The following DYSF variants were observed in gnomAD, a reference collection of about 807,000 sequenced individuals.
The protein encoded by DYSF is dystrophy-associated fer-1-like 1.
DYSF carries 212 observed loss-of-function variants against 274.9 expected under a neutral mutation model. The observed-to-expected ratio is 0.77, with a 90% CI of 0.69 to 0.86. The LOEUF (loss-of-function observed/expected upper bound fraction) is 0.86. Ranked by LOEUF, DYSF falls within the 40% of genes least tolerant of loss-of-function variation. The probability of loss-of-function intolerance (pLI) is 0.00; values close to 1 mark genes in which losing one functional copy is unlikely to be tolerated. For missense variants in DYSF, 2,666 were observed against 2,783.2 expected, an observed-to-expected ratio of 0.96 and a Z score of 0.95; for synonymous variants, 1,091 against 1,078.7, an observed-to-expected ratio of 1.01 and a Z score of -0.22.
chr2:71,662,805 G>C (rs1362767153), intron 45 of DYSF, among the ~76,000 whole-genome samples: 1 of 146,980 alleles, frequency 6.8e-6, no homozygotes, highest in African/African-American at 2.6e-5. Flanking sequence ...CTGTGTGTCT[G>C]TGTGTGGTGT....
chr2:71,571,711 GCACACACAGATCACACCCAGCA>G (rs1295072471), intron 29 of DYSF, among the ~76,000 whole-genome samples: 7 of 102,432 alleles, frequency 6.8e-5, no homozygotes, highest in South Asian at 3.3e-4. Context: ...ATCACAGTCA[GCACACACAGATCACACCCAGCA>G]CACACACAGA....
Position 71,660,720 on chromosome 2 carries a change from G to T in DYSF, c.5003+69G>T. On this transcript the variant is annotated intron_variant, in intron 45 of 55. Coordinates refer to ENST00000410020, the MANE Select transcript of DYSF (RefSeq NM_001130987.2). ...GGATAACCCACAGTCTAGTGGGGGA[G>T]ATGTGACTGGCACTGTGAAGTCCGT... 2.3e-6 allele frequency: 3 copies of T among 1,326,088 alleles called. 1 individual carries two copies. In the South Asian group the frequency reaches 3.6e-5, roughly 16 times the overall value. The allele number at this position is 1,326,088 out of a possible 1,614,324, so 82.1% of individuals were successfully genotyped here.
At chr2:71,607,325 G>A (rs1457733007) in intron 36 of DYSF, among the ~76,000 whole-genome samples, 3 of 152,188 alleles carry the variant, frequency 2.0e-5, no homozygotes, top group Non-Finnish European at 4.4e-5. Flanking sequence ...CAGGGGTTGC[G>A]TGTGTCCCAG....
rs144932117 is a variant in DYSF, at chr2:71,615,044, C to T, written c.4464+1634C>T. Reference sequence around the variant, plus strand: ...TGAGATTGTGCAGGGAAGTGCAGGGCCTGCCCAGCAGGATTTCCGTTCTGT... The same window carrying T: ...TGAGATTGTGCAGGGAAGTGCAGGGTCTGCCCAGCAGGATTTCCGTTCTGT... On this transcript the variant is annotated intron_variant, in intron 40 of 55. Coordinates refer to ENST00000410020, the MANE Select transcript of DYSF (RefSeq NM_001130987.2). This position sits in a 1 kb window ranked among gnomAD's most constrained non-coding sequence, Gnocchi z 4.9. Among the ~76,000 whole-genome samples the T allele has an allele frequency of 2.3e-3, 351 of 152,270 alleles. 1 individual carries two copies. The highest frequency in any genetic ancestry group is 6.8e-3 in the Middle Eastern group (2 of 294).
At chr2:71,598,420 G>A (rs1309971820) in intron 32 of DYSF, 144 bp from the exon 33 acceptor site, 4 of 1,001,686 alleles carry the variant, frequency 4.0e-6, no homozygotes, top group Non-Finnish European at 6.0e-6. Flanking sequence ...CCATAGGGAA[G>A]ATGCATCCCA....
At chr2:71,572,081 AC>A (rs1305896482) in intron 29 of DYSF, among the ~76,000 whole-genome samples, 2 of 144,634 alleles carry the variant, frequency 1.4e-5, no homozygotes, top group Admixed American at 1.4e-4. Context: ...CACACCCAGC[AC>A]ACCCACAGAT....
intron 3 of DYSF, among the ~76,000 whole-genome samples, chr2:71,493,925 G>A (rs2084129723): frequency 6.6e-6 from 1 of 151,202 alleles, no homozygotes; most frequent in Admixed American, 6.6e-5. Context: ...AAATAATGAG[G>A]ATTACATAAT....
rs182396977 is a variant in DYSF at position 71,510,107 on chromosome 2, T to G, written c.346-1700T>G. Among the ~76,000 whole-genome samples the G allele has an allele frequency of 7.0e-3, 1,073 of 152,346 alleles. 13 individuals are homozygous for G. The highest frequency in any genetic ancestry group is 0.025 in the African/African-American group (1,020 of 41,582). Reference sequence around the variant, plus strand: ...GTGTTTTTAAGAATCAGTCATTCATTGAGCATTTCCTTCCTTTCTGGTGCA... The same window carrying G: ...GTGTTTTTAAGAATCAGTCATTCATGGAGCATTTCCTTCCTTTCTGGTGCA... On this transcript the variant is annotated intron_variant, in intron 4 of 55. Coordinates refer to ENST00000410020, the MANE Select transcript of DYSF (RefSeq NM_001130987.2).
Position 71,663,024 on chromosome 2 carries a change from CGT to C in DYSF, c.5004-1228_5004-1227del, listed in dbSNP as rs757887151. On this transcript the variant is annotated intron_variant, in intron 45 of 55. Transcript: ENST00000410020. ...GTGTGTGTATATTTGTGTATGTTTA[CGT>C]GTGTGTGTGTGTGTGCGCGCACGCG... Among the ~76,000 whole-genome samples, 94 of 148,084 alleles carry C rather than the reference CGT, an allele frequency of 6.3e-4. No individual in the cohort carries two copies. In the Middle Eastern group the frequency reaches 0.011, roughly 17 times the overall value.
upstream of DYSF, among the ~76,000 whole-genome samples, chr2:71,461,798 T>C (rs2081294482): frequency 6.6e-6 from 1 of 152,226 alleles, no homozygotes; most frequent in Non-Finnish European, 1.5e-5. Context: ...TCAGTAAGGA[T>C]GATTTAGGCT....
At chr2:71,517,472 T>C (rs1005540338) in intron 10 of DYSF, among the ~76,000 whole-genome samples, 1 of 152,068 alleles carries the variant, frequency 6.6e-6, no homozygotes, top group African/African-American at 2.4e-5. Context: ...AGCTGACAAA[T>C]GGCTTATTTA....
At chr2:71,649,865 T>C (rs893413633) in intron 42 of DYSF, among the ~76,000 whole-genome samples, 7 of 152,120 alleles carry the variant, frequency 4.6e-5, no homozygotes, top group Non-Finnish European at 7.4e-5. Context: ...AATGAAAAGA[T>C]TGATAAAGTT....
intron 1 of DYSF, among the ~76,000 whole-genome samples, chr2:71,476,193 T>C (rs545526343): frequency 6.6e-6 from 1 of 152,308 alleles, no homozygotes; most frequent in Non-Finnish European, 1.5e-5. Context: ...TTTTACTGTT[T>C]GGACATTTGT....
At chr2:71,479,075 C>T (rs544477231) in intron 1 of DYSF, among the ~76,000 whole-genome samples, 2 of 151,610 alleles carry the variant, frequency 1.3e-5, no homozygotes, top group East Asian at 3.9e-4. Flanking sequence ...AGGCAGGACT[C>T]TCTGAAAGCT....
chr2:71,656,685 C>T (rs2094778967), intron 43 of DYSF, among the ~76,000 whole-genome samples: 1 of 152,086 alleles, frequency 6.6e-6, no homozygotes, highest in Non-Finnish European at 1.5e-5. Context: ...AGGGGAAAGG[C>T]AGTTCTTATA....
chr2:71,527,421 A>T (rs981533583), intron 13 of DYSF, among the ~76,000 whole-genome samples: 1 of 152,220 alleles, frequency 6.6e-6, no homozygotes, highest in African/African-American at 2.4e-5. Context: ...GCCTGTAAAT[A>T]AGTAATGGGT....
At chr2:71,511,044 A>G (rs1367818209) in intron 4 of DYSF, among the ~76,000 whole-genome samples, 2 of 151,386 alleles carry the variant, frequency 1.3e-5, no homozygotes, top group Non-Finnish European at 3.0e-5. Flanking sequence ...GAGCCGGGAC[A>G]GGGCTCAGGC....
At chr2:71,584,553 T>C (rs2093001424) in intron 30 of DYSF, among the ~76,000 whole-genome samples, 1 of 152,106 alleles carries the variant, frequency 6.6e-6, no homozygotes, top group Non-Finnish European at 1.5e-5. Flanking sequence ...TGATGCACCT[T>C]GCCTGTCCTT....
At chr2:71,532,878 A>ATCTG (rs1320650928) in intron 14 of DYSF, among the ~76,000 whole-genome samples, 1 of 149,990 alleles carries the variant, frequency 6.7e-6, no homozygotes, top group Non-Finnish European at 1.5e-5. Context: ...CTATCTATCT[A>ATCTG]TCATGAAAAA....
Sources: allele counts gnomAD v4.1 joint callset (sites outside exome capture counted in the v4.1 genomes callset), GRCh38; gene constraint gnomAD v4.1.1; non-coding constraint Gnocchi (gnomAD v3.1); transcripts MANE v1.5; gene names NCBI Gene and HGNC (gene_info 2026-07-23, HGNC 2026-07-21).